Variants in AJAP1 observed in about 807,000 individuals in gnomAD.
AJAP1 encodes the protein adherens junctions associated protein 1.
A neutral mutation model predicts 35.0 loss-of-function variants in AJAP1; 5 were observed. The observed-to-expected ratio is 0.14, with a 90% CI of 0.07 to 0.30. The LOEUF is 0.30. Ranked by LOEUF, AJAP1 falls within the 10% of genes least tolerant of loss-of-function variation. The pLI is 1.00. For synonymous variants in AJAP1, 284 were observed against 249.3 expected (o/e 1.14, Z -1.31); for missense variants, 586 against 571.0 (o/e 1.03, Z -0.27).
intron 1 of AJAP1, among the ~76,000 whole-genome samples, chr1:4,657,057 C>T (rs538900382): frequency 6.6e-6 from 1 of 152,190 alleles, no homozygotes; most frequent in Non-Finnish European, 1.5e-5. Flanking sequence ...CGACCTGCTT[C>T]CTGAGCTGCC....
At chr1:4,714,692 A>C (rs1640348308) in intron 2 of AJAP1, among the ~76,000 whole-genome samples, 1 of 152,184 alleles carries the variant, frequency 6.6e-6, no homozygotes, top group Non-Finnish European at 1.5e-5. Flanking sequence ...TAAAAAGAGG[A>C]AAATATGTGT....
At chr1:4,758,142 T>A (rs1029011920) in intron 2 of AJAP1, among the ~76,000 whole-genome samples, 3 of 152,180 alleles carry the variant, frequency 2.0e-5, no homozygotes, top group South Asian at 4.1e-4. Flanking sequence ...CCCAGTGATG[T>A]GTAACTGTGA....
chr1:4,747,177 C>A (rs1281636477), intron 2 of AJAP1, among the ~76,000 whole-genome samples: 2 of 152,128 alleles, frequency 1.3e-5, no homozygotes, highest in African/African-American at 2.4e-5. Flanking sequence ...TCTGTCCTTG[C>A]GGGCATTTGC....
chr1:4,698,605 C>T (rs895229598), intron 1 of AJAP1, among the ~76,000 whole-genome samples: 3 of 152,176 alleles, frequency 2.0e-5, no homozygotes, highest in Non-Finnish European at 4.4e-5. Flanking sequence ...CTCAGTCAAC[C>T]ACAGGGCCTC....
At chr1:4,765,391 A>G (rs1641661038) in intron 2 of AJAP1, among the ~76,000 whole-genome samples, 1 of 152,110 alleles carries the variant, frequency 6.6e-6, no homozygotes, top group African/African-American at 2.4e-5. Context: ...AGCAGGGTTT[A>G]TGGGACAGGT....
At chr1:4,737,170 T>G (rs1640944461) in intron 2 of AJAP1, among the ~76,000 whole-genome samples, 1 of 152,056 alleles carries the variant, frequency 6.6e-6, no homozygotes, top group African/African-American at 2.4e-5. Context: ...ACTATGGGGC[T>G]GTGGATGGGC....
intron 2 of AJAP1, among the ~76,000 whole-genome samples, chr1:4,748,158 C>T (rs978880662): frequency 1.3e-5 from 2 of 152,144 alleles, no homozygotes; most frequent in African/African-American, 4.8e-5. Flanking sequence ...TGGCCTCATC[C>T]TCGCCCCTGC....
chr1:4,737,616 A>G (rs1400534492), intron 2 of AJAP1, among the ~76,000 whole-genome samples: 5 of 152,124 alleles, frequency 3.3e-5, no homozygotes, highest in Admixed American at 3.3e-4. Context: ...ATTCTAGGCC[A>G]AGTGCAGTGG....
At chr1:4,764,801 C>A (rs911571162) in intron 2 of AJAP1, among the ~76,000 whole-genome samples, 3 of 152,188 alleles carry the variant, frequency 2.0e-5, no homozygotes, top group Admixed American at 2.0e-4. Context: ...GCCAAACGTG[C>A]CTCACGTCCT....
At chr1:4,776,908 G>A (rs934633034) in intron 5 of AJAP1, among the ~76,000 whole-genome samples, 8 of 152,354 alleles carry the variant, frequency 5.3e-5, no homozygotes, top group East Asian at 1.9e-4. Flanking sequence ...CTTACTGAAG[G>A]CAGCTGCGCT....
chr1:4,657,703 T>G (rs1390463808), intron 1 of AJAP1, among the ~76,000 whole-genome samples: 1 of 35,912 alleles, frequency 2.8e-5, no homozygotes, highest in African/African-American at 1.2e-4. Context: ...CAGTGTAACT[T>G]GCTGGGCAGG....
Position 4,712,013 on chromosome 1 carries a change from C to A in AJAP1, c.143C>A (p.Pro48Gln), listed in dbSNP as rs770767997. ...LPACEALGPG[P>Q]EFWLLPRSPP... is the part of the protein sequence containing the mutation. ...GCCTGTGAGGCCCTGGGCCCGGGGC[C>A]GGAGTTCTGGCTCCTGCCGCGGTCG... The change falls in exon 2 of 6, where the codon CCG becomes CAG. Residue 48 changes from proline to glutamine, a missense_variant. Physicochemically the swap from Pro to Gln is moderately conservative, Grantham distance 76 (BLOSUM62 -1). Coordinates refer to ENST00000378191, the MANE Select transcript of AJAP1 (RefSeq NM_018836.4). 1.9e-6 allele frequency: 3 copies of A among 1,595,770 alleles called. No homozygotes were observed. In the African/African-American group the frequency reaches 4.1e-5, roughly 22 times the overall value.
chr1:4,703,939 C>T (rs948202979), intron 1 of AJAP1, among the ~76,000 whole-genome samples: 10 of 152,212 alleles, frequency 6.6e-5, no homozygotes, highest in African/African-American at 2.4e-4. Flanking sequence ...GCTGTCTGCC[C>T]TCCGGATGGA....
At chr1:4,704,289 A>T (rs1640053459) in intron 1 of AJAP1, among the ~76,000 whole-genome samples, 1 of 148,950 alleles carries the variant, frequency 6.7e-6, no homozygotes, top group Non-Finnish European at 1.5e-5. Context: ...GTATATCTCC[A>T]AATGCTATCC....
rs574791777 is a variant in AJAP1 at position 4,771,404 on chromosome 1, G to A, written c.918-876G>A. Among the ~76,000 whole-genome samples, 13 of 152,284 alleles carry A rather than the reference G, an allele frequency of 8.5e-5. No homozygotes were observed. The South Asian group carries it at 1.2e-3, about 15-fold the overall frequency. Reference sequence around the variant, plus strand: ...CGCATCCCCCCTGCCCCTTGCCTTCGTGCAGCCCCTCCCTGTACACAGGCC... The same window carrying A: ...CGCATCCCCCCTGCCCCTTGCCTTCATGCAGCCCCTCCCTGTACACAGGCC... On this transcript the variant is annotated intron_variant, in intron 3 of 5. Transcript: ENST00000378191.
At chr1:4,678,646 G>A (rs372983164) in intron 1 of AJAP1, among the ~76,000 whole-genome samples, 3 of 152,194 alleles carry the variant, frequency 2.0e-5, no homozygotes, top group Non-Finnish European at 2.9e-5. Flanking sequence ...CTCATGTACC[G>A]TTATCACAGA....
chr1:4,780,803 T>C (rs1451186123), intron 5 of AJAP1, among the ~76,000 whole-genome samples: 2 of 152,032 alleles, frequency 1.3e-5, no homozygotes, highest in Non-Finnish European at 2.9e-5. Context: ...AATTTTTGTA[T>C]TTTCACTAGA....
At chr1:4,674,453 C>T (rs939940300) in intron 1 of AJAP1, among the ~76,000 whole-genome samples, 1 of 152,244 alleles carries the variant, frequency 6.6e-6, no homozygotes, top group African/African-American at 2.4e-5. Context: ...GTGGTTGTGA[C>T]AGAAAACGGC....
chr1:4,742,934 G>T (rs564310611), intron 2 of AJAP1, among the ~76,000 whole-genome samples: 73 of 152,260 alleles, frequency 4.8e-4, no homozygotes, highest in African/African-American at 1.7e-3. Context: ...ACGACTGACC[G>T]ACCCACTGGG....
Sources: gnomAD v4.1 joint callset for allele counts (sites outside exome capture counted in the v4.1 genomes callset) on GRCh38, gnomAD v4.1.1 for gene constraint, MANE v1.5 for transcripts, NCBI Gene and HGNC (gene_info 2026-07-23, HGNC 2026-07-21) for gene names.